SPINT2: variants seen among roughly 807,000 people sequenced by gnomAD.
SPINT2 encodes kunitz-type protease inhibitor 2.
In SPINT2, 18 loss-of-function variants were observed where a neutral mutation model predicts 30.1. The observed-to-expected ratio is 0.60, with a 90% CI of 0.41 to 0.89. SPINT2 has a LOEUF of 0.89. Ranked by LOEUF, SPINT2 falls within the 40% of genes least tolerant of loss-of-function variation. The probability of loss-of-function intolerance (pLI) is 0.00; values close to 1 mark genes in which losing one functional copy is unlikely to be tolerated. For synonymous variants in SPINT2, 139 were observed against 137.9 expected, an observed-to-expected ratio of 1.01 and a Z score of -0.05; for missense variants, 276 against 334.3, an observed-to-expected ratio of 0.83 and a Z score of 1.36.
chr19:38,286,236 T>C (rs112477369), intron 2 of SPINT2, among the ~76,000 whole-genome samples: 27 of 152,086 alleles, frequency 1.8e-4, no homozygotes, highest in African/African-American at 6.3e-4. Context: ...GCCAGTGTAT[T>C]AATTCATCAT....
chr19:38,289,865 C>T, intron 4 of SPINT2: 1 of 551,990 alleles, frequency 1.8e-6, no homozygotes, highest in Non-Finnish European at 3.3e-6. Context: ...CATAGAGACT[C>T]AGCCACTGCA....
In SPINT2 at chr19:38,264,849, C is replaced by T; in HGVS notation, c.-44C>T. The T allele has an allele frequency of 6.6e-7, 1 of 1,524,792 alleles. No individual in the cohort carries two copies. The highest frequency in any genetic ancestry group is 8.8e-7 in the Non-Finnish European group (1 of 1,138,896). 94.5% of individuals were successfully genotyped at this position (1,524,792 alleles called of 1,614,324 possible). On this transcript the variant is annotated 5_prime_UTR_variant, in exon 1 of 7. Transcript: ENST00000301244. The stretch of plus-strand genomic sequence containing the variant: ...GCTTCCCGCACCTGATCGCGAGACC[C>T]CAACGGCTGGTGGCGTCGCCTGCGC...
chr19:38,275,752 A>T (rs1968510198), intron 1 of SPINT2, among the ~76,000 whole-genome samples: 1 of 121,054 alleles, frequency 8.3e-6, no homozygotes, highest in Admixed American at 9.7e-5. Flanking sequence ...TTTTTTTGAG[A>T]GATGAAGTTT....
rs1013382091 is a variant in SPINT2, at chr19:38,290,879, G to A, written c.592+304G>A. On this transcript the variant is annotated intron_variant, in intron 6 of 6. Coordinates refer to ENST00000301244, the MANE Select transcript of SPINT2 (RefSeq NM_021102.4). The surrounding 1 kb of genome is among the most constrained non-coding windows in gnomAD (Gnocchi z 4.3). Reference sequence around the variant, plus strand: ...CACGGGCCTGAGGCTGGCCTGAGGTGTGGAGGGAGCGCTGCTATGTGGGGC... The same window carrying A: ...CACGGGCCTGAGGCTGGCCTGAGGTATGGAGGGAGCGCTGCTATGTGGGGC... The A allele has an allele frequency of 1.0e-5, 5 of 501,894 alleles. No homozygotes were observed. The highest frequency in any genetic ancestry group is 6.0e-5 in the South Asian group (3 of 50,032). 31.1% of individuals were successfully genotyped at this position (501,894 alleles called of 1,614,324 possible). A position where few individuals can be genotyped will look rare whatever the true frequency, so the allele number is the denominator to read the frequency against.
chr19:38,289,414 G>C (rs942502393), intron 4 of SPINT2: 1 of 447,088 alleles, frequency 2.2e-6, no homozygotes, highest in African/African-American at 2.0e-5. Context: ...AAGCCTGGGA[G>C]GCGGAGGGTG....
At chr19:38,275,733 AT>A (rs200809145) in intron 1 of SPINT2, among the ~76,000 whole-genome samples, 197 of 125,598 alleles carry the variant, frequency 1.6e-3, no homozygotes, top group Middle Eastern at 6.5e-3. Flanking sequence ...TGACAAAAAA[AT>A]TTTTTTTTTT....
At chr19:38,291,762 C>A in intron 6 of SPINT2, 78 bp from the exon 7 acceptor site, 1 of 1,550,544 alleles carries the variant, frequency 6.4e-7, no homozygotes, top group African/African-American at 1.4e-5. Context: ...ACCTGGATTC[C>A]CCAGGCCCTT....
intron 1 of SPINT2, among the ~76,000 whole-genome samples, chr19:38,266,675 CAA>C (rs5828007): frequency 3.1e-4 from 43 of 139,520 alleles, no homozygotes; most frequent in South Asian, 4.4e-4. Flanking sequence ...GACTCAGTCT[CAA>C]AAAAAAAAAA....
Position 38,289,171 on chromosome 19 carries a change from G to A in SPINT2, c.371G>A (p.Ser124Asn). Reference protein sequence around the residue: ...PRRQDSEDHSSDMFNYEEYCT... With the variant: ...PRRQDSEDHSNDMFNYEEYCT... ...AGGCAGGATTCTGAAGACCACTCCAGCGATATGTTCAACTATGAAGGTAAA... is the reference window on the plus strand; with the variant it reads ...AGGCAGGATTCTGAAGACCACTCCAACGATATGTTCAACTATGAAGGTAAA... The change falls in exon 4 of 7, where the codon AGC becomes AAC. Residue 124 changes from serine (S) to asparagine (N), a missense_variant. Transcript: ENST00000301244. 1 of 1,613,972 alleles carries A rather than the reference G, an allele frequency of 6.2e-7. No individual in the cohort carries two copies. Among genetic ancestry groups the A allele is most frequent in the Non-Finnish European group, 8.5e-7 (1 of 1,179,956 alleles).
chr19:38,275,411 G>A (rs1968504621), intron 1 of SPINT2, among the ~76,000 whole-genome samples: 1 of 151,842 alleles, frequency 6.6e-6, no homozygotes, highest in Non-Finnish European at 1.5e-5. Context: ...TGCAACCTCC[G>A]CCTCCTGAGT....
chr19:38,273,912 G>T (rs939984159), intron 1 of SPINT2, among the ~76,000 whole-genome samples: 5 of 152,112 alleles, frequency 3.3e-5, no homozygotes, highest in Non-Finnish European at 7.4e-5. Flanking sequence ...CAATCGTAAA[G>T]ATACAATATC....
intron 1 of SPINT2, among the ~76,000 whole-genome samples, chr19:38,282,037 G>A (rs1201467538): frequency 6.6e-6 from 1 of 152,190 alleles, no homozygotes; most frequent in African/African-American, 2.4e-5. Context: ...TTCAGAAGAT[G>A]CTTTTTCTGC....
intron 1 of SPINT2, among the ~76,000 whole-genome samples, chr19:38,278,024 A>G (rs1968539619): frequency 6.6e-6 from 1 of 152,210 alleles, no homozygotes; most frequent in Non-Finnish European, 1.5e-5. Context: ...GCTTCCCAAT[A>G]CTATTCTAAG....
intron 1 of SPINT2, among the ~76,000 whole-genome samples, chr19:38,268,872 G>A (rs547022568): frequency 6.6e-6 from 1 of 152,146 alleles, no homozygotes; most frequent in African/African-American, 2.4e-5. Flanking sequence ...CCCCACCCAG[G>A]TGGTAAATCC....
intron 2 of SPINT2, among the ~76,000 whole-genome samples, chr19:38,287,014 G>A (rs1159140275): frequency 6.6e-6 from 1 of 152,042 alleles, no homozygotes; most frequent in Non-Finnish European, 1.5e-5. Flanking sequence ...ACTGTGTTTT[G>A]ATTGTTTGTT....
chr19:38,271,562 A>G (rs1968456959), intron 1 of SPINT2, among the ~76,000 whole-genome samples: 1 of 141,366 alleles, frequency 7.1e-6, no homozygotes, highest in East Asian at 2.3e-4. Context: ...GGCCGGGTAC[A>G]GTGGCTCATG....
chr19:38,284,115 A>G (rs1968614702), intron 2 of SPINT2, among the ~76,000 whole-genome samples: 2 of 151,892 alleles, frequency 1.3e-5, no homozygotes, highest in Admixed American at 1.3e-4. Context: ...TGCTGGGATT[A>G]CAGGCATGAG....
chr19:38,279,192 T>TAA (rs997492075), intron 1 of SPINT2, among the ~76,000 whole-genome samples: 1 of 140,652 alleles, frequency 7.1e-6, no homozygotes, highest in Admixed American at 7.2e-5. Context: ...GAAATTTGAG[T>TAA]AAAAAAAAAA....
intron 1 of SPINT2, among the ~76,000 whole-genome samples, 188 bp downstream of exon 1, chr19:38,265,186 A>G (rs2146262876): frequency 6.6e-6 from 1 of 152,276 alleles, no homozygotes; most frequent in East Asian, 1.9e-4. Flanking sequence ...TTCGACAGCG[A>G]AGACGGGCGG....
Sources: gnomAD v4.1 joint callset for allele counts (sites outside exome capture counted in the v4.1 genomes callset) on GRCh38, gnomAD v4.1.1 for gene constraint, Gnocchi (gnomAD v3.1) non-coding constraint, MANE v1.5 for transcripts, NCBI Gene and HGNC (gene_info 2026-07-23, HGNC 2026-07-21) for gene names.